DAB2IP: variants seen among roughly 807,000 people sequenced by gnomAD.
The protein encoded by DAB2IP is disabled homolog 2-interacting protein.
A neutral mutation model predicts 107.2 loss-of-function variants in DAB2IP; 28 were observed. That is an observed-to-expected ratio of 0.26 (90% confidence interval 0.19 to 0.36). The LOEUF is 0.36. DAB2IP is among the 10% of genes least tolerant of loss of function. The pLI is 1.00. For missense variants in DAB2IP, 1,400 were observed against 1,644.7 expected (o/e 0.85, Z 2.57); for synonymous variants, 755 against 706.4 (o/e 1.07, Z -1.09).
At chr9:121,632,294 GT>G (rs1365815243) in intron 1 of DAB2IP, among the ~76,000 whole-genome samples, 1 of 152,248 alleles carries the variant, frequency 6.6e-6, no homozygotes, top group Non-Finnish European at 1.5e-5. Context: ...GCTCAGCACA[GT>G]TCCTGGCACA....
At chr9:121,711,325 T>TTCAAG (rs1830326294) in intron 3 of DAB2IP, among the ~76,000 whole-genome samples, 1 of 152,070 alleles carries the variant, frequency 6.6e-6, no homozygotes, top group South Asian at 2.1e-4. Flanking sequence ...TTCTTGGAGG[T>TTCAAG]GAGACTTGAT....
At chr9:121,778,689 A>G (rs1307964675) in intron 14 of DAB2IP, among the ~76,000 whole-genome samples, 2 of 152,192 alleles carry the variant, frequency 1.3e-5, no homozygotes, top group Non-Finnish European at 1.5e-5. Context: ...TGTAGGCCAT[A>G]TGGTCTCTAT....
intron 1 of DAB2IP, among the ~76,000 whole-genome samples, chr9:121,630,810 G>C (rs371095506): frequency 1.3e-5 from 2 of 152,164 alleles, no homozygotes; most frequent in South Asian, 4.1e-4. Flanking sequence ...GTTTCACCAT[G>C]TTGGCCAGGC....
At chr9:121,607,444 A>G (rs1207797739) in intron 1 of DAB2IP, among the ~76,000 whole-genome samples, 2 of 151,994 alleles carry the variant, frequency 1.3e-5, no homozygotes, top group Non-Finnish European at 2.9e-5. Flanking sequence ...CTGGGACTGC[A>G]GGCAAGCACC....
At chr9:121,689,987 C>T (rs966192613) in intron 2 of DAB2IP, among the ~76,000 whole-genome samples, 11 of 152,196 alleles carry the variant, frequency 7.2e-5, no homozygotes, top group African/African-American at 2.2e-4. Context: ...GCTTCCTGAC[C>T]GTGCGGTGCT....
chr9:121,752,712 C>G (rs76123028), intron 3 of DAB2IP, among the ~76,000 whole-genome samples: 5,070 of 152,306 alleles, frequency 0.033, 259 homozygotes, highest in African/African-American at 0.11. Context: ...CAGCCAGTGG[C>G]TCAGAGTGCC....
chr9:121,603,782 C>A (rs1830771700), intron 1 of DAB2IP, among the ~76,000 whole-genome samples: 1 of 152,140 alleles, frequency 6.6e-6, no homozygotes, highest in Non-Finnish European at 1.5e-5. Flanking sequence ...CTCTGAGGTT[C>A]TTTCCCACCT....
At position 121,634,195 on chromosome 9, in the gene DAB2IP, C is replaced by T. The variant is rs963148186; in HGVS notation, c.41-44483C>T. On this transcript the variant is annotated intron_variant, in intron 1 of 16. Coordinates refer to the DAB2IP transcript ENST00000259371. This position sits in a 1 kb window ranked among gnomAD's most constrained non-coding sequence, Gnocchi z 4.7. ...TCACATGCCAACTCCTAGGAAGGGT[C>T]CCCTATGCACCCCGGGGTAGGAGCT... is the stretch of plus-strand genomic sequence containing the variant. 2.0e-5 allele frequency among the ~76,000 whole-genome samples: 3 copies of T among 152,124 alleles called. No homozygotes were observed. The highest frequency in any genetic ancestry group is 4.4e-5 in the Non-Finnish European group (3 of 68,016).
intron 1 of DAB2IP, among the ~76,000 whole-genome samples, chr9:121,568,710 T>C (rs980483116): frequency 6.6e-6 from 1 of 152,100 alleles, no homozygotes; most frequent in African/African-American, 2.4e-5. Context: ...TATGGACTCA[T>C]TGGATGTCTG....
Position 121,684,829 on chromosome 9 carries a change from C to T in DAB2IP, c.228+6048C>T, listed in dbSNP as rs1309314580. Among the ~76,000 whole-genome samples the T allele has an allele frequency of 1.3e-5, 2 of 152,194 alleles. No homozygotes were observed. The highest frequency in any genetic ancestry group is 1.3e-4 in the Admixed American group (2 of 15,290). Reference sequence around the variant, plus strand: ...TGAGGCCTGGAGAGGAGCAGCTTGCCCAGGATACTTGCTGGGGCTCCCTCC... The same window carrying T: ...TGAGGCCTGGAGAGGAGCAGCTTGCTCAGGATACTTGCTGGGGCTCCCTCC... On this transcript the variant is annotated intron_variant, in intron 2 of 15. Transcript: ENST00000408936. This position sits in a 1 kb window ranked among gnomAD's most constrained non-coding sequence, Gnocchi z 4.0.
chr9:121,762,135 C>T (rs1298800860), intron 6 of DAB2IP, among the ~76,000 whole-genome samples: 1 of 152,214 alleles, frequency 6.6e-6, no homozygotes, highest in Non-Finnish European at 1.5e-5. Flanking sequence ...GAACTAGCCC[C>T]TCTTCCGTCT....
intron 1 of DAB2IP, among the ~76,000 whole-genome samples, chr9:121,654,591 A>G (rs1424243353): frequency 6.6e-6 from 1 of 152,062 alleles, no homozygotes; most frequent in Non-Finnish European, 1.5e-5. Flanking sequence ...CCCTCCCTCC[A>G]CTAAAGCCTC....
At chr9:121,690,639 C>T (rs1381812595) in intron 2 of DAB2IP, among the ~76,000 whole-genome samples, 3 of 152,212 alleles carry the variant, frequency 2.0e-5, no homozygotes, top group Non-Finnish European at 4.4e-5. Flanking sequence ...TGATGCCCGC[C>T]TAATCCTGGG....
At chr9:121,582,772 T>C (rs969483035) in intron 1 of DAB2IP, among the ~76,000 whole-genome samples, 3 of 152,228 alleles carry the variant, frequency 2.0e-5, no homozygotes, top group African/African-American at 7.2e-5. Context: ...CCTCCCTACG[T>C]GCATTCATTC....
intron 1 of DAB2IP, among the ~76,000 whole-genome samples, chr9:121,602,856 T>A (rs1351514853): frequency 6.6e-6 from 1 of 152,218 alleles, no homozygotes; most frequent in Non-Finnish European, 1.5e-5. Context: ...ATTACAGGCG[T>A]GAGCCACCGC....
intron 1 of DAB2IP, among the ~76,000 whole-genome samples, chr9:121,646,452 G>A (rs1367957615): frequency 6.6e-6 from 1 of 151,962 alleles, no homozygotes; most frequent in Non-Finnish European, 1.5e-5. Flanking sequence ...CCACCTCCTG[G>A]GGCAGAGGCC....
At chr9:121,648,267 T>C (rs775144675), upstream of DAB2IP, among the ~76,000 whole-genome samples, 58 of 152,030 alleles carry the variant, frequency 3.8e-4, no homozygotes, top group Non-Finnish European at 7.4e-4. Context: ...AAATAAAAAA[T>C]TTAAAAAATA....
At chr9:121,761,525 C>T (rs1052048864) in intron 6 of DAB2IP, among the ~76,000 whole-genome samples, 1 of 152,228 alleles carries the variant, frequency 6.6e-6, no homozygotes, top group African/African-American at 2.4e-5. Flanking sequence ...TCACCTGTTC[C>T]TAGAGGCCCT....
chr9:121,782,984 CTTGGCAGATCAG>C lies in DAB2IP; in HGVS notation c.*494_*505del. 9.8e-7 allele frequency: 1 copy of C among 1,020,450 alleles called. No homozygotes were observed. The highest frequency in any genetic ancestry group is 1.2e-6 in the Non-Finnish European group (1 of 850,850). 63.2% of individuals were successfully genotyped at this position (1,020,450 alleles called of 1,614,324 possible). A position where few individuals can be genotyped will look rare whatever the true frequency, so the allele number is the denominator to read the frequency against. On this transcript the variant is annotated 3_prime_UTR_variant, in exon 16 of 16. Transcript: ENST00000408936. This position sits in a 1 kb window ranked among gnomAD's most constrained non-coding sequence, Gnocchi z 6.1. ...AGGCCCTGTCATGTGGGACCTGGCA[CTTGGCAGATCAG>C]TTGGCAGGCAGGAAGATAGGAGGAC...
Sources: gnomAD v4.1 joint callset for allele counts (sites outside exome capture counted in the v4.1 genomes callset) on GRCh38, gnomAD v4.1.1 for gene constraint, Gnocchi (gnomAD v3.1) non-coding constraint, MANE v1.5 for transcripts, NCBI Gene and HGNC (gene_info 2026-07-23, HGNC 2026-07-21) for gene names.